The following SLIT3 variants were observed in gnomAD, a reference collection of about 807,000 sequenced individuals.
SLIT3 encodes slit guidance ligand 3.
SLIT3 carries 68 observed loss-of-function variants against 184.0 expected under a neutral mutation model. The ratio of observed to expected loss-of-function variants is 0.37; its 90% confidence interval spans 0.30 to 0.45. The LOEUF is 0.45. SLIT3 is among the 20% of genes least tolerant of loss of function. SLIT3 has a pLI of 1.00. For synonymous variants in SLIT3, 831 were observed against 828.6 expected (o/e 1.00, Z -0.05); for missense variants, 1,707 against 2,026.0 (o/e 0.84, Z 3.02).
At chr5:168,994,490 T>C (rs1240538605) in intron 4 of SLIT3, among the ~76,000 whole-genome samples, 1 of 152,018 alleles carries the variant, frequency 6.6e-6, no homozygotes, top group African/African-American at 2.4e-5. Flanking sequence ...CCAACCAAAT[T>C]ATCTGTTTTC....
intron 4 of SLIT3, among the ~76,000 whole-genome samples, chr5:168,905,443 AG>A (rs560582733): frequency 3.9e-5 from 6 of 152,216 alleles, no homozygotes; most frequent in Non-Finnish European, 8.8e-5. Context: ...TCAGAAGGCA[AG>A]TTATTCAACA....
chr5:169,111,860 T>C (rs1054059816), intron 4 of SLIT3, among the ~76,000 whole-genome samples: 9 of 152,192 alleles, frequency 5.9e-5, no homozygotes, highest in African/African-American at 1.9e-4. Flanking sequence ...GGGACGGTGA[T>C]GCAAATGAAA....
chr5:168,874,066 G>T (rs912296008), intron 5 of SLIT3, among the ~76,000 whole-genome samples: 2 of 151,956 alleles, frequency 1.3e-5, no homozygotes, highest in Non-Finnish European at 2.9e-5. Context: ...GTTCCTTTTT[G>T]CCAGAGTATA....
intron 17 of SLIT3, 97 bp from the exon 18 acceptor site, chr5:168,753,195 T>C: frequency 7.5e-7 from 1 of 1,334,016 alleles, no homozygotes; most frequent in South Asian, 1.4e-5. Context: ...GGTGAGATGC[T>C]TTTGCCAATT....
chr5:168,786,060 G>A, intron 11 of SLIT3, 82 bp from the exon 12 acceptor site: 2 of 925,802 alleles, frequency 2.2e-6, no homozygotes, highest in Non-Finnish European at 3.5e-6. Flanking sequence ...CATCACCTCG[G>A]CCAGTTCTGG....
intron 20 of SLIT3, among the ~76,000 whole-genome samples, chr5:168,731,975 G>A (rs576386775): frequency 6.6e-6 from 1 of 152,032 alleles, no homozygotes; most frequent in East Asian, 1.9e-4. Flanking sequence ...GAAACAAAAG[G>A]CATCCAAATT....
intron 3 of SLIT3, among the ~76,000 whole-genome samples, chr5:169,226,007 G>A (rs566222086): frequency 2.0e-5 from 3 of 152,150 alleles, no homozygotes; most frequent in East Asian, 1.9e-4. Flanking sequence ...ATAATGGCGC[G>A]GATGAGATCA....
chr5:168,669,204 CAATGTGGTGGAA>C (rs1484819939), intron 35 of SLIT3, among the ~76,000 whole-genome samples: 2 of 152,288 alleles, frequency 1.3e-5, no homozygotes, highest in African/African-American at 4.8e-5. Flanking sequence ...GTAACCAATG[CAATGTGGTGGAA>C]ATGATGGTGT....
At chr5:169,046,709 C>T (rs927613307) in intron 4 of SLIT3, among the ~76,000 whole-genome samples, 1 of 152,204 alleles carries the variant, frequency 6.6e-6, no homozygotes, top group Non-Finnish European at 1.5e-5. Flanking sequence ...GAGGCTTGCT[C>T]TTATCTCTCT....
intron 4 of SLIT3, among the ~76,000 whole-genome samples, chr5:169,146,570 A>G (rs1166785719): frequency 6.6e-6 from 1 of 151,708 alleles, no homozygotes; most frequent in African/African-American, 2.4e-5. Context: ...TCTGTTATCC[A>G]CCTGCTCAGA....
intron 4 of SLIT3, among the ~76,000 whole-genome samples, chr5:169,109,124 T>C (rs1205531869): frequency 1.3e-5 from 2 of 152,172 alleles, no homozygotes; most frequent in African/African-American, 4.8e-5. Context: ...CAGTAGGAGG[T>C]CACTCCCAGG....
intron 16 of SLIT3, among the ~76,000 whole-genome samples, chr5:168,756,329 T>C (rs984288701): frequency 1.3e-5 from 2 of 152,184 alleles, no homozygotes; most frequent in Non-Finnish European, 2.9e-5. Flanking sequence ...AGTGACAGAA[T>C]TGGGGACTCA....
At chr5:168,903,459 C>A (rs1760937013) in intron 4 of SLIT3, among the ~76,000 whole-genome samples, 1 of 152,118 alleles carries the variant, frequency 6.6e-6, no homozygotes, top group African/African-American at 2.4e-5. Flanking sequence ...GAGCTGGATC[C>A]CATTCTCTAG....
intron 1 of SLIT3, among the ~76,000 whole-genome samples, chr5:169,287,642 C>A (rs1236729640): frequency 1.3e-5 from 2 of 152,080 alleles, no homozygotes; most frequent in Non-Finnish European, 2.9e-5. Context: ...AATCTCTTGG[C>A]TAGGGAAGCC....
At chr5:169,189,177 C>G (rs1390512819) in intron 4 of SLIT3, among the ~76,000 whole-genome samples, 1 of 152,074 alleles carries the variant, frequency 6.6e-6, no homozygotes, top group East Asian at 1.9e-4. Flanking sequence ...ACACATGAGT[C>G]GGATGGCACT....
chr5:168,851,074 A>G (rs913136074), intron 5 of SLIT3, among the ~76,000 whole-genome samples: 3 of 152,164 alleles, frequency 2.0e-5, no homozygotes, highest in African/African-American at 7.2e-5. Context: ...CTGTGATCCC[A>G]GCACTTTGGG....
chr5:169,087,563 T>C (rs1197637285), intron 4 of SLIT3, among the ~76,000 whole-genome samples: 1 of 152,194 alleles, frequency 6.6e-6, no homozygotes, highest in Non-Finnish European at 1.5e-5. Context: ...ATGAGGGGAA[T>C]AGTTAGCTAA....
In SLIT3 at chr5:169,071,722, G is replaced by A. The variant is rs1359254362; in HGVS notation, c.413+121757C>T. Among the ~76,000 whole-genome samples, 4 of 152,106 alleles carry A rather than the reference G, an allele frequency of 2.6e-5. No homozygotes were observed. The East Asian group carries it at 7.7e-4, about 29-fold the overall frequency. ...GTGGTTGCAATGGAAACTGCCTGGC[G>A]GTCCCTTTCCACCACATAGACCTTG... On this transcript the variant is annotated intron_variant, in intron 4 of 35. Coordinates refer to ENST00000519560, the MANE Select transcript of SLIT3 (RefSeq NM_003062.4).
chr5:168,694,237 G>T (rs1761987604), intron 28 of SLIT3, among the ~76,000 whole-genome samples: 1 of 152,046 alleles, frequency 6.6e-6, no homozygotes, highest in Non-Finnish European at 1.5e-5. Context: ...TCTAAATTCA[G>T]TTCAAGCCCC....
Sources: allele counts gnomAD v4.1 joint callset (sites outside exome capture counted in the v4.1 genomes callset), GRCh38; gene constraint gnomAD v4.1.1; transcripts MANE v1.5; gene names NCBI Gene and HGNC (gene_info 2026-07-23, HGNC 2026-07-21).